The following CEP162 variants were observed in gnomAD, a reference collection of about 807,000 sequenced individuals.
CEP162 encodes the protein centrosomal protein of 162 kDa.
CEP162 carries 141 observed loss-of-function variants against 169.2 expected under a neutral mutation model. The observed-to-expected ratio is 0.83, with a 90% CI of 0.73 to 0.96. CEP162 has a LOEUF of 0.96. Among genes scored for constraint, CEP162 ranks in the 40% least tolerant of loss-of-function variants. CEP162 has a pLI of 0.00. For synonymous variants in CEP162, 540 were observed against 526.4 expected (o/e 1.03, Z -0.35); for missense variants, 1,600 against 1,587.2 (o/e 1.01, Z -0.14).
intron 3 of CEP162, among the ~76,000 whole-genome samples, chr6:84,217,111 C>A (rs573833996): frequency 6.6e-6 from 1 of 152,048 alleles, no homozygotes; most frequent in Non-Finnish European, 1.5e-5. Context: ...CAATCAACAG[C>A]AAATATTTAT....
At chr6:84,161,387 A>ACT (rs1384207469) in intron 20 of CEP162, among the ~76,000 whole-genome samples, 1 of 152,108 alleles carries the variant, frequency 6.6e-6, no homozygotes, top group Non-Finnish European at 1.5e-5. Flanking sequence ...ACAAAAAAGA[A>ACT]CTAAAGCTAG....
At chr6:84,145,461 T>C (rs1348547205) in intron 25 of CEP162, among the ~76,000 whole-genome samples, 1 of 152,146 alleles carries the variant, frequency 6.6e-6, no homozygotes, top group African/African-American at 2.4e-5. Flanking sequence ...TTGGTCTTAT[T>C]GTGATTATCT....
chr6:84,129,714 T>C (rs971444414), intron 25 of CEP162, among the ~76,000 whole-genome samples: 3 of 152,196 alleles, frequency 2.0e-5, no homozygotes, highest in Admixed American at 2.0e-4. Context: ...TTGCCACTGC[T>C]TTTGGTGTTT....
chr6:84,185,317 CCTAA>C lies in CEP162; in HGVS notation c.1529_1532del (p.Val510GlyfsTer27), dbSNP rs2099536658. ...AACTGGGTTTGCCATAGCCTGAGCTCCTAACTGACGCATATAATCCACTCTGGGG... is the reference window on the plus strand; with the variant it reads ...AACTGGGTTTGCCATAGCCTGAGCTCCTGACGCATATAATCCACTCTGGGG... On this transcript the variant is annotated frameshift_variant, in exon 13 of 27. Coordinates refer to ENST00000403245, the MANE Select transcript of CEP162 (RefSeq NM_014895.4). LOFTEE classifies it high-confidence loss of function. 1 of 1,613,536 alleles carries C rather than the reference CCTAA, an allele frequency of 6.2e-7. No individual in the cohort carries two copies. The highest frequency in any genetic ancestry group is 8.5e-7 in the Non-Finnish European group (1 of 1,179,714).
intron 25 of CEP162, among the ~76,000 whole-genome samples, chr6:84,144,246 A>T (rs915467035): frequency 2.6e-5 from 4 of 152,046 alleles, no homozygotes; most frequent in Admixed American, 6.6e-5. Flanking sequence ...TGTCAAATAA[A>T]GACAATGTTT....
chr6:84,133,861 T>A (rs2497148), intron 25 of CEP162, among the ~76,000 whole-genome samples: 1 of 152,018 alleles, frequency 6.6e-6, no homozygotes, highest in African/African-American at 2.4e-5. Flanking sequence ...CCTTGGGCTG[T>A]ACCCACTGTC....
intron 18 of CEP162, among the ~76,000 whole-genome samples, chr6:84,164,830 T>G (rs1380805279): frequency 6.6e-6 from 1 of 152,076 alleles, no homozygotes; most frequent in African/African-American, 2.4e-5. Context: ...ACCTGCCCAT[T>G]CAGTACATGT....
chr6:84,155,473 G>C lies in CEP162; in HGVS notation c.2819C>G (p.Pro940Arg). 2.5e-6 allele frequency: 4 copies of C among 1,612,680 alleles called. No individual in the cohort carries two copies. The highest frequency in any genetic ancestry group is 1.1e-5 in the South Asian group (1 of 91,030). ...CAATATTAAAGCAGGTAAAGAATTG[G>C]GATATCTTCTCTTCAGAATCCCTTC... ...EMEGILKRRY[P>R]NSLPALILAA... Residue 940 changes from proline (P) to arginine (R), a missense_variant, in exon 22 of 27, where the codon CCC (proline) becomes CGC (arginine). Pro to Arg is a moderately radical substitution (Grantham distance 103). Coordinates refer to ENST00000403245, the MANE Select transcript of CEP162 (RefSeq NM_014895.4).
chr6:84,176,537 C>T (rs2099532479), intron 13 of CEP162, among the ~76,000 whole-genome samples: 1 of 152,118 alleles, frequency 6.6e-6, no homozygotes, highest in African/African-American at 2.4e-5. Flanking sequence ...GCAGCTAGTA[C>T]AGGTGGAACG....
At chr6:84,187,735 T>G (rs1025818870) in intron 11 of CEP162, among the ~76,000 whole-genome samples, 1 of 152,232 alleles carries the variant, frequency 6.6e-6, no homozygotes, top group Non-Finnish European at 1.5e-5. Flanking sequence ...AAAACATTGC[T>G]AAACTGTCAT....
rs965824503 is a variant in CEP162 at position 84,125,415 on chromosome 6, T to A, written c.4006-139A>T. 1.4e-5 allele frequency: 10 copies of A among 702,912 alleles called. No individual in the cohort carries two copies. In the African/African-American group the frequency reaches 1.8e-4, roughly 13 times the overall value. The allele number at this position is 702,912 out of a possible 1,614,324, so 43.5% of individuals were successfully genotyped here. Reference sequence around the variant, plus strand: ...ATAATGCTCTGCGTGGATGCAACATTTTCTGTCTTCAAGGAGTATATACAT... The same window carrying A: ...ATAATGCTCTGCGTGGATGCAACATATTCTGTCTTCAAGGAGTATATACAT... On this transcript the variant is annotated intron_variant, in intron 26 of 26. Coordinates refer to ENST00000403245, the MANE Select transcript of CEP162 (RefSeq NM_014895.4).
intron 4 of CEP162, 122 bp downstream of exon 4, chr6:84,215,654 C>T: frequency 3.7e-6 from 5 of 1,335,158 alleles, no homozygotes; most frequent in Non-Finnish European, 4.0e-6. Flanking sequence ...TTCTAAACCT[C>T]TAGGAAGATA....
intron 6 of CEP162, among the ~76,000 whole-genome samples, chr6:84,211,193 C>G (rs2099549257): frequency 6.8e-6 from 1 of 147,488 alleles, no homozygotes; most frequent in South Asian, 2.2e-4. Flanking sequence ...AATTTTAAAA[C>G]AAAGATCCAA....
At position 84,221,089 on chromosome 6, in the gene CEP162, C is replaced by A; in HGVS notation, c.140G>T (p.Trp47Leu). The A allele has an allele frequency of 6.3e-7, 1 of 1,597,400 alleles. No homozygotes were observed. The highest frequency in any genetic ancestry group is 8.6e-7 in the Non-Finnish European group (1 of 1,165,860). ...KEMKKKDTVPWWITEDDFKDD... is the reference protein window; with the variant it reads ...KEMKKKDTVPLWITEDDFKDD... ...TTTAAAATCATCTTCAGTTATCCAC[C>A]AAGGCACTGTATCTTTCTTCTTCAT... Residue 47 changes from tryptophan (W) to leucine (L), a missense_variant, in exon 3 of 27, where the codon TGG becomes TTG. By Grantham distance (61) the Trp-to-Leu change is moderately conservative (BLOSUM62 -2). Coordinates refer to ENST00000403245, the MANE Select transcript of CEP162 (RefSeq NM_014895.4).
chr6:84,215,168 A>C, intron 5 of CEP162, 114 bp downstream of exon 5: 1 of 539,790 alleles, frequency 1.9e-6, no homozygotes, highest in East Asian at 3.2e-5. Flanking sequence ...AGATTTAAAA[A>C]ATAAGATTTA....
chr6:84,153,912 G>A (rs1427941958), intron 22 of CEP162, among the ~76,000 whole-genome samples: 1 of 152,158 alleles, frequency 6.6e-6, no homozygotes, highest in Non-Finnish European at 1.5e-5. Context: ...GAGTGCAGAG[G>A]AGGCGACGCT....
chr6:84,164,405 T>C (rs1042709615), intron 18 of CEP162, among the ~76,000 whole-genome samples: 15 of 152,206 alleles, frequency 9.9e-5, no homozygotes, highest in African/African-American at 3.6e-4. Context: ...CACACATATG[T>C]TTATTGCAGC....
At chr6:84,174,278 C>T (rs951816927) in intron 15 of CEP162, 90 bp from the exon 16 acceptor site, 6 of 1,003,086 alleles carry the variant, frequency 6.0e-6, no homozygotes, top group East Asian at 5.2e-5. Flanking sequence ...CTATTTAGAT[C>T]GAAAACTGTC....
intron 9 of CEP162, among the ~76,000 whole-genome samples, chr6:84,197,037 CT>C (rs1168381369): frequency 1.3e-5 from 2 of 152,036 alleles, no homozygotes; most frequent in African/African-American, 4.8e-5. Flanking sequence ...CACACGGTGT[CT>C]TTTTTTCCTC....
Sources: gnomAD v4.1 joint callset for allele counts (sites outside exome capture counted in the v4.1 genomes callset) on GRCh38, gnomAD v4.1.1 for gene constraint, MANE v1.5 for transcripts, NCBI Gene and HGNC (gene_info 2026-07-23, HGNC 2026-07-21) for gene names.